Variants in LRRC49 observed in about 807,000 individuals in gnomAD.
LRRC49 encodes leucine-rich repeat-containing protein 49.
LRRC49 carries 50 observed loss-of-function variants against 83.3 expected under a neutral mutation model. The ratio of observed to expected loss-of-function variants is 0.60; its 90% CI spans 0.48 to 0.76. The LOEUF (loss-of-function observed/expected upper bound fraction) is 0.76. Ranked by LOEUF, LRRC49 falls within the 30% of genes least tolerant of loss-of-function variation. The pLI is 0.00. For synonymous variants in LRRC49, 286 were observed against 283.3 expected (o/e 1.01, Z -0.10); for missense variants, 704 against 809.1 (o/e 0.87, Z 1.58).
At chr15:71,033,021 G>T (rs62551389) in intron 14 of LRRC49, among the ~76,000 whole-genome samples, 1 of 152,108 alleles carries the variant, frequency 6.6e-6, no homozygotes, top group African/African-American at 2.4e-5. Flanking sequence ...GGGCAATCAG[G>T]CAAGAGAAAG....
intron 9 of LRRC49, among the ~76,000 whole-genome samples, chr15:70,966,073 C>T (rs1161260299): frequency 2.6e-5 from 4 of 152,078 alleles, no homozygotes; most frequent in Non-Finnish European, 5.9e-5. Flanking sequence ...TACTATGTGG[C>T]CTACAAGCCC....
chr15:70,928,755 G>C (rs2035302722), intron 7 of LRRC49, among the ~76,000 whole-genome samples: 2 of 152,010 alleles, frequency 1.3e-5, no homozygotes, highest in South Asian at 4.1e-4. Flanking sequence ...AGTAGAAATG[G>C]GGTTTCACCA....
intron 6 of LRRC49, 60 bp downstream of exon 6, chr15:70,911,658 A>T (rs573806485): frequency 9.5e-7 from 1 of 1,058,176 alleles, no homozygotes; most frequent in East Asian, 2.5e-5. Flanking sequence ...AAATGGTATA[A>T]AAGTTTTAAG....
chr15:70,883,312 T>G (rs2033315991), intron 2 of LRRC49, among the ~76,000 whole-genome samples: 1 of 151,918 alleles, frequency 6.6e-6, no homozygotes. Context: ...CTGCCTCAGC[T>G]TCCCAAGTAG....
At chr15:71,023,120 C>T (rs186204553) in intron 14 of LRRC49, among the ~76,000 whole-genome samples, 1 of 152,116 alleles carries the variant, frequency 6.6e-6, no homozygotes, top group East Asian at 1.9e-4. Flanking sequence ...TAAAAATACC[C>T]ATTTCAAAAC....
intron 5 of LRRC49, among the ~76,000 whole-genome samples, chr15:70,910,475 G>A (rs992097557): frequency 6.6e-6 from 1 of 152,096 alleles, no homozygotes; most frequent in African/African-American, 2.4e-5. Context: ...GGTTCTTTGA[G>A]GCAGTAAACA....
At chr15:70,964,314 G>A (rs1034983686) in intron 9 of LRRC49, among the ~76,000 whole-genome samples, 11 of 152,052 alleles carry the variant, frequency 7.2e-5, no homozygotes, top group African/African-American at 2.2e-4. Flanking sequence ...GCTTTCTAAC[G>A]ATAGTCCTTT....
intron 1 of LRRC49, among the ~76,000 whole-genome samples, chr15:70,856,894 G>A (rs1183203961): frequency 6.6e-6 from 1 of 152,034 alleles, no homozygotes; most frequent in African/African-American, 2.4e-5. Flanking sequence ...GCTTTTAAAG[G>A]GCTCCTTTCG....
rs1258816885 is a variant in LRRC49, at chr15:71,052,556, G to C, written c.*2944G>C. The C allele has an allele frequency of 6.6e-6, 1 of 152,130 alleles. No homozygotes were observed. The highest frequency in any genetic ancestry group is 1.5e-5 in the Non-Finnish European group (1 of 68,018). The allele number at this position is 152,130 out of a possible 1,614,324, so 9.4% of individuals were successfully genotyped here. ...GACAGTGCAACCCTACCATGCTCCT[G>C]ATCTATTCCTGATTGGGCAAGGAAT... On this transcript the variant is annotated 3_prime_UTR_variant, in exon 16 of 16. Coordinates refer to ENST00000260382, the MANE Select transcript of LRRC49 (RefSeq NM_017691.5).
At chr15:70,883,012 C>A (rs565298484) in intron 2 of LRRC49, 3 of 1,142,202 alleles carry the variant, frequency 2.6e-6, no homozygotes, top group South Asian at 1.6e-5. Context: ...AATTTTCAGT[C>A]ACATATTAGT....
chr15:70,922,748 T>G (rs962686819), intron 7 of LRRC49, among the ~76,000 whole-genome samples: 2 of 152,066 alleles, frequency 1.3e-5, no homozygotes, highest in Non-Finnish European at 2.9e-5. Context: ...TATTACACAT[T>G]GCATGCCTGT....
intron 6 of LRRC49, among the ~76,000 whole-genome samples, chr15:70,912,222 A>T (rs542403691): frequency 1.3e-3 from 194 of 152,184 alleles, no homozygotes; most frequent in Non-Finnish European, 2.1e-3. Flanking sequence ...TTTCTTATTG[A>T]TAGACATTTG....
intron 14 of LRRC49, among the ~76,000 whole-genome samples, chr15:71,032,425 C>T (rs2039387032): frequency 6.6e-6 from 1 of 152,134 alleles, no homozygotes; most frequent in African/African-American, 2.4e-5. Context: ...TCCTATTCTG[C>T]CCTCTTGGTT....
chr15:70,857,284 G>A (rs549803948), intron 1 of LRRC49, among the ~76,000 whole-genome samples: 1 of 152,128 alleles, frequency 6.6e-6, no homozygotes, highest in Non-Finnish European at 1.5e-5. Flanking sequence ...AGTGTGCCTG[G>A]CACTACAGCT....
chr15:70,937,759 C>T (rs941078117), intron 8 of LRRC49, among the ~76,000 whole-genome samples: 1 of 152,130 alleles, frequency 6.6e-6, no homozygotes, highest in Admixed American at 6.5e-5. Context: ...AGACAGTGAG[C>T]TTTGCAAATA....
intron 5 of LRRC49, among the ~76,000 whole-genome samples, chr15:70,907,071 C>T (rs770691916): frequency 2.6e-5 from 4 of 152,238 alleles, no homozygotes; most frequent in African/African-American, 4.8e-5. Flanking sequence ...CAGCAAGGGG[C>T]CTGTGAGCTG....
chr15:71,033,748 T>G (rs989653617), intron 14 of LRRC49, among the ~76,000 whole-genome samples: 1 of 152,074 alleles, frequency 6.6e-6, no homozygotes, highest in Admixed American at 6.5e-5. Context: ...TCTACAACCA[T>G]CTGATCTTCA....
At chr15:70,987,471 C>T (rs1347885080) in intron 11 of LRRC49, among the ~76,000 whole-genome samples, 32 of 152,242 alleles carry the variant, frequency 2.1e-4, no homozygotes, top group Non-Finnish European at 4.0e-4. Flanking sequence ...TCTGTGGGAT[C>T]GGTGGTGATA....
chr15:70,894,405 CAT>C (rs1329509030), intron 2 of LRRC49, among the ~76,000 whole-genome samples: 8 of 152,252 alleles, frequency 5.3e-5, no homozygotes, highest in East Asian at 1.9e-4. Context: ...GCAGTGGACA[CAT>C]GTTAGACTTA....
Sources: gnomAD v4.1 joint callset for allele counts (sites outside exome capture counted in the v4.1 genomes callset) on GRCh38, gnomAD v4.1.1 for gene constraint, MANE v1.5 for transcripts, NCBI Gene and HGNC (gene_info 2026-07-23, HGNC 2026-07-21) for gene names.